The following HS3ST5 variants were observed in gnomAD, a reference collection of about 807,000 sequenced individuals.
HS3ST5 encodes heparan sulfate glucosamine 3-O-sulfotransferase 5.
In HS3ST5, 10 loss-of-function variants were observed where a neutral mutation model predicts 25.4. The observed-to-expected ratio is 0.39, with a 90% CI of 0.24 to 0.67. HS3ST5 has a LOEUF of 0.67. Among genes scored for constraint, HS3ST5 ranks in the 30% least tolerant of loss-of-function variants. HS3ST5 has a pLI of 0.44. For missense variants in HS3ST5, 324 were observed against 420.7 expected, an observed-to-expected ratio of 0.77 and a Z score of 2.01; for synonymous variants, 170 against 162.4, an observed-to-expected ratio of 1.05 and a Z score of -0.36.
At chr6:114,226,407 A>G (rs889166162) in intron 2 of HS3ST5, among the ~76,000 whole-genome samples, 5 of 151,958 alleles carry the variant, frequency 3.3e-5, no homozygotes, top group East Asian at 1.9e-4. Context: ...TAAATCTTCA[A>G]TGTTCATCTT....
intron 3 of HS3ST5, among the ~76,000 whole-genome samples, chr6:114,141,984 T>G (rs1775197892): frequency 6.6e-6 from 1 of 152,006 alleles, no homozygotes; most frequent in African/African-American, 2.4e-5. Flanking sequence ...CCCTGCTTCA[T>G]GTTCCATCTC....
At chr6:114,117,942 C>CCTTTGCAA (rs770353922) in intron 3 of HS3ST5, among the ~76,000 whole-genome samples, 2 of 152,052 alleles carry the variant, frequency 1.3e-5, no homozygotes, top group Non-Finnish European at 2.9e-5. Context: ...TCTGAAAATG[C>CCTTTGCAA]CTTTGCAATC....
intron 2 of HS3ST5, among the ~76,000 whole-genome samples, chr6:114,185,089 G>A (rs1562229812): frequency 6.6e-6 from 1 of 152,162 alleles, no homozygotes; most frequent in South Asian, 2.1e-4. Context: ...TTAGACTTAG[G>A]AGTTGAAGCT....
chr6:114,181,362 G>C (rs1322115431), intron 2 of HS3ST5, among the ~76,000 whole-genome samples: 1 of 152,160 alleles, frequency 6.6e-6, no homozygotes, highest in Non-Finnish European at 1.5e-5. Flanking sequence ...TAGATACAAT[G>C]TGGCTTAATA....
At chr6:114,317,801 G>GT (rs1775800834) in intron 1 of HS3ST5, among the ~76,000 whole-genome samples, 1 of 144,850 alleles carries the variant, frequency 6.9e-6, no homozygotes, top group Non-Finnish European at 1.5e-5. Flanking sequence ...GAGGCGGGGG[G>GT]CGGGGGGGTA....
At chr6:114,067,114 T>C (rs1251255879) in intron 3 of HS3ST5, among the ~76,000 whole-genome samples, 2 of 152,150 alleles carry the variant, frequency 1.3e-5, no homozygotes, top group Admixed American at 1.3e-4. Context: ...ATCTTTCCTA[T>C]GTCTCCTCCT....
rs1348595384 is a variant in HS3ST5 at position 114,057,154 on chromosome 6, A to T, written c.*103T>A. The stretch of plus-strand genomic sequence containing the variant: ...CTGCGTATGTACAAATATACATGGA[A>T]AAATGACTTGGATAGCTCTGCCTAG... On this transcript the variant is annotated 3_prime_UTR_variant, in exon 5 of 5. Transcript: ENST00000312719. 2.4e-5 allele frequency: 20 copies of T among 818,960 alleles called. No individual in the cohort carries two copies. Among genetic ancestry groups the T allele is most frequent in the Non-Finnish European group, 5.9e-6 (3 of 506,228 alleles). The allele number at this position is 818,960 out of a possible 1,614,324, so 50.7% of individuals were successfully genotyped here.
chr6:114,247,855 A>G (rs1182372301), intron 1 of HS3ST5, among the ~76,000 whole-genome samples: 1 of 151,596 alleles, frequency 6.6e-6, no homozygotes, highest in African/African-American at 2.4e-5. Context: ...AAGTCAACAG[A>G]AAATTATTTT....
At chr6:114,242,875 AAG>A (rs1554221564) in intron 1 of HS3ST5, among the ~76,000 whole-genome samples, 6 of 151,794 alleles carry the variant, frequency 4.0e-5, no homozygotes, top group Non-Finnish European at 7.4e-5. Flanking sequence ...AAAAAAAAAA[AAG>A]AAGAAGGTGG....
chr6:114,074,775 T>G (rs890171682), intron 3 of HS3ST5, among the ~76,000 whole-genome samples: 6 of 152,088 alleles, frequency 3.9e-5, no homozygotes, highest in Non-Finnish European at 8.8e-5. Flanking sequence ...GCTAAAAATC[T>G]TAGGAAACTT....
At chr6:114,284,677 T>C (rs951351757) in intron 1 of HS3ST5, among the ~76,000 whole-genome samples, 2 of 106,330 alleles carry the variant, frequency 1.9e-5, no homozygotes, top group Non-Finnish European at 4.1e-5. Context: ...ATAAGCGGCA[T>C]AAAGTAAAAT....
intron 3 of HS3ST5, among the ~76,000 whole-genome samples, chr6:114,108,148 CAG>C (rs1776083947): frequency 6.6e-6 from 1 of 152,196 alleles, no homozygotes; most frequent in Middle Eastern, 3.4e-3. Context: ...GTAATTAAAA[CAG>C]AGAAAATATA....
chr6:114,062,538 T>C (rs1773191690), intron 4 of HS3ST5, among the ~76,000 whole-genome samples: 2 of 152,212 alleles, frequency 1.3e-5, no homozygotes, highest in African/African-American at 4.8e-5. Context: ...CAAATGGATC[T>C]TGACAAAACA....
At chr6:114,113,430 C>T (rs1267126010) in intron 3 of HS3ST5, among the ~76,000 whole-genome samples, 3 of 151,886 alleles carry the variant, frequency 2.0e-5, no homozygotes, top group African/African-American at 7.3e-5. Flanking sequence ...ACACTGGCCC[C>T]CTTTCTCTCC....
chr6:114,191,717 G>A (rs1780511225), intron 2 of HS3ST5, among the ~76,000 whole-genome samples: 1 of 152,148 alleles, frequency 6.6e-6, no homozygotes, highest in Non-Finnish European at 1.5e-5. Context: ...TGTGTGTGGA[G>A]GGAACTATTT....
chr6:114,318,231 GT>G (rs1299961963), intron 1 of HS3ST5, among the ~76,000 whole-genome samples: 1 of 152,126 alleles, frequency 6.6e-6, no homozygotes, highest in Admixed American at 6.6e-5. Context: ...AAGCTGTAAT[GT>G]CTGCACCAGC....
intron 2 of HS3ST5, among the ~76,000 whole-genome samples, chr6:114,175,823 T>C (rs1209612582): frequency 6.6e-6 from 1 of 152,246 alleles, no homozygotes. Context: ...CAACTGCTAC[T>C]GGTTTTACAG....
chr6:114,057,033 G>C lies in HS3ST5; in HGVS notation c.*224C>G. ...CCAATACCACCACCTCTTCTCTTTT[G>C]TAAATAGCTTAAAAGATGCGACTAT... On this transcript the variant is annotated 3_prime_UTR_variant, in exon 5 of 5. Coordinates refer to ENST00000312719, the MANE Select transcript of HS3ST5 (RefSeq NM_153612.4). The C allele has an allele frequency of 4.6e-6, 2 of 432,732 alleles. No homozygotes were observed. Among genetic ancestry groups the C allele is most frequent in the South Asian group, 1.3e-4 (2 of 15,864 alleles). 26.8% of individuals were successfully genotyped at this position (432,732 alleles called of 1,614,324 possible).
intron 3 of HS3ST5, among the ~76,000 whole-genome samples, chr6:114,071,350 A>G (rs1002107257): frequency 7.9e-5 from 12 of 152,124 alleles, no homozygotes; most frequent in African/African-American, 2.7e-4. Flanking sequence ...TTTAATTCCT[A>G]TGTTTTAGAT....
Sources: allele counts gnomAD v4.1 joint callset (sites outside exome capture counted in the v4.1 genomes callset), GRCh38; gene constraint gnomAD v4.1.1; transcripts MANE v1.5; gene names NCBI Gene and HGNC (gene_info 2026-07-23, HGNC 2026-07-21).